LAMA2: variants seen among roughly 807,000 people sequenced by gnomAD.
LAMA2 encodes laminin subunit alpha-2.
Under a neutral mutation model 364.8 loss-of-function variants are expected in LAMA2, and 269 were observed. The observed-to-expected ratio is 0.74, with a 90% confidence interval of 0.67 to 0.82. LAMA2 has a LOEUF of 0.82. Among genes scored for constraint, LAMA2 ranks in the 40% least tolerant of loss-of-function variants. The probability of loss-of-function intolerance (pLI) is 0.00; values close to 1 mark genes in which losing one functional copy is unlikely to be tolerated. For missense variants in LAMA2, 3,807 were observed against 3,873.2 expected, an observed-to-expected ratio of 0.98 and a Z score of 0.45; for synonymous variants, 1,379 against 1,370.6, an observed-to-expected ratio of 1.01 and a Z score of -0.14.
intron 12 of LAMA2, among the ~76,000 whole-genome samples, chr6:129,230,059 A>G (rs576791931): frequency 6.6e-6 from 1 of 152,184 alleles, no homozygotes; most frequent in Non-Finnish European, 1.5e-5. Context: ...ACTAGATGTG[A>G]TAACCAAGAA....
chr6:129,225,589 A>G (rs1380039574), intron 12 of LAMA2, among the ~76,000 whole-genome samples: 2 of 152,084 alleles, frequency 1.3e-5, no homozygotes, highest in East Asian at 1.9e-4. Context: ...ATTTCGTTAT[A>G]TACCCAGTAG....
intron 1 of LAMA2, among the ~76,000 whole-genome samples, chr6:128,954,926 G>C (rs1216065812): frequency 6.6e-6 from 1 of 151,622 alleles, no homozygotes; most frequent in Non-Finnish European, 1.5e-5. Flanking sequence ...TCTTTGGTAT[G>C]TCAGAAGAAG....
At chr6:129,165,752 A>G (rs763034923) in intron 9 of LAMA2, 77 bp downstream of exon 9, 3 of 893,108 alleles carry the variant, frequency 3.4e-6, no homozygotes, top group Non-Finnish European at 5.6e-6. Context: ...TCAGAAGAAT[A>G]TTTTGCAGTA....
At chr6:128,895,788 GT>G (rs1283078253) in intron 1 of LAMA2, among the ~76,000 whole-genome samples, 1 of 152,152 alleles carries the variant, frequency 6.6e-6, no homozygotes, top group African/African-American at 2.4e-5. Flanking sequence ...AAGAATTCCT[GT>G]TGGAAGCACT....
At chr6:129,422,280 A>G (rs552747712) in intron 40 of LAMA2, among the ~76,000 whole-genome samples, 1 of 152,240 alleles carries the variant, frequency 6.6e-6, no homozygotes, top group African/African-American at 2.4e-5. Flanking sequence ...CTGACTTCCT[A>G]AAAAGCAGGG....
At chr6:128,916,683 G>T in intron 1 of LAMA2, among the ~76,000 whole-genome samples, 1 of 152,160 alleles carries the variant, frequency 6.6e-6, no homozygotes, top group East Asian at 1.9e-4. Flanking sequence ...ATGTGGAGAA[G>T]CCAGGAGACA....
chr6:129,316,564 C>T (rs181683743), intron 27 of LAMA2, among the ~76,000 whole-genome samples: 21 of 152,288 alleles, frequency 1.4e-4, no homozygotes, highest in Non-Finnish European at 4.4e-5. Context: ...GTCCAGTCTC[C>T]TCCAACTGTG....
intron 1 of LAMA2, among the ~76,000 whole-genome samples, chr6:129,028,510 AG>A (rs1342537154): frequency 6.6e-6 from 1 of 151,886 alleles, no homozygotes; most frequent in East Asian, 1.9e-4. Flanking sequence ...CATTTCTCAC[AG>A]GGTAGACAAA....
intron 3 of LAMA2, 111 bp downstream of exon 3, chr6:129,060,007 A>C: frequency 1.4e-6 from 1 of 712,230 alleles, no homozygotes; most frequent in Non-Finnish European, 2.6e-6. Context: ...ATCACTCTCC[A>C]TTGTTTTCTT....
intron 1 of LAMA2, among the ~76,000 whole-genome samples, chr6:128,915,705 C>G (rs549483371): frequency 2.6e-5 from 4 of 152,202 alleles, no homozygotes; most frequent in African/African-American, 9.6e-5. Context: ...AATACATTGT[C>G]TGATAAAAAT....
Position 129,092,590 on chromosome 6 carries a change from G to T in LAMA2, c.397-5583G>T, listed in dbSNP as rs540544502. On this transcript the variant is annotated intron_variant, in intron 3 of 64. Coordinates refer to ENST00000421865, the MANE Select transcript of LAMA2 (RefSeq NM_000426.4). ...GGGCAAGAGCACATACTAGAAAAGT[G>T]CAGAACCTCTTTAGAAGTGAAGCAT... is the stretch of plus-strand genomic sequence containing the variant. Among the ~76,000 whole-genome samples the T allele has an allele frequency of 5.9e-5, 9 of 152,328 alleles. No individual in the cohort carries two copies. The East Asian group carries it at 1.7e-3, about 29-fold the overall frequency.
At chr6:129,093,999 A>C (rs1158385288) in intron 3 of LAMA2, among the ~76,000 whole-genome samples, 1 of 152,226 alleles carries the variant, frequency 6.6e-6, no homozygotes, top group Admixed American at 6.5e-5. Flanking sequence ...GAAATGAGGT[A>C]TTATAACTAC....
At chr6:129,132,491 T>A (rs978112639) in intron 4 of LAMA2, among the ~76,000 whole-genome samples, 4 of 152,208 alleles carry the variant, frequency 2.6e-5, no homozygotes, top group African/African-American at 9.6e-5. Context: ...ATTGCTTGCA[T>A]GAAAATTGGA....
At chr6:128,929,591 C>T (rs1481842430) in intron 1 of LAMA2, 275 of 1,293,134 alleles carry the variant, frequency 2.1e-4, no homozygotes, top group Non-Finnish European at 3.9e-5. Flanking sequence ...TTCTGGAGCC[C>T]CAGATGCCGC....
chr6:129,146,020 A>C (rs1778410762), intron 5 of LAMA2, among the ~76,000 whole-genome samples: 1 of 150,344 alleles, frequency 6.7e-6, no homozygotes, highest in Admixed American at 6.6e-5. Context: ...ATAACATAAC[A>C]AAAATATTTT....
At chr6:129,432,290 C>G (rs747382881) in intron 41 of LAMA2, among the ~76,000 whole-genome samples, 34 of 152,200 alleles carry the variant, frequency 2.2e-4, no homozygotes, top group East Asian at 9.6e-4. Flanking sequence ...GGGTGGACTT[C>G]CATTAGAGAA....
At chr6:128,972,537 C>T (rs1056042863) in intron 1 of LAMA2, among the ~76,000 whole-genome samples, 1 of 152,172 alleles carries the variant, frequency 6.6e-6, no homozygotes, top group Non-Finnish European at 1.5e-5. Flanking sequence ...ATGAGCAAAA[C>T]CTTGATGCTT....
Position 129,172,481 on chromosome 6 carries a change from C to G in LAMA2, c.1307-5225C>G, listed in dbSNP as rs190180599. Among the ~76,000 whole-genome samples the G allele has an allele frequency of 5.5e-3, 839 of 152,346 alleles. 5 individuals are homozygous for G. Among genetic ancestry groups the G allele is most frequent in the Non-Finnish European group, 8.3e-3 (567 of 68,040 alleles). ...TGCTGGGGGGTGCCTCCCAGTTACG[C>G]TGCTCAGGGGTCAGGGGTCAGGGAC... On this transcript the variant is annotated intron_variant, in intron 9 of 64. Transcript: ENST00000421865.
chr6:128,953,646 T>A (rs1424165107), intron 1 of LAMA2, among the ~76,000 whole-genome samples: 3 of 151,762 alleles, frequency 2.0e-5, no homozygotes, highest in Non-Finnish European at 4.4e-5. Flanking sequence ...TATATATATA[T>A]GTATGGTGTT....
Sources: gnomAD v4.1 joint callset for allele counts (sites outside exome capture counted in the v4.1 genomes callset) on GRCh38, gnomAD v4.1.1 for gene constraint, MANE v1.5 for transcripts, NCBI Gene and HGNC (gene_info 2026-07-23, HGNC 2026-07-21) for gene names.